The following PRR16 variants were observed in gnomAD, a reference collection of about 807,000 sequenced individuals.
The protein encoded by PRR16 is proline rich 16, also known as protein Largen.
In PRR16, 6 loss-of-function variants were observed where a neutral mutation model predicts 18.2. The ratio of observed to expected loss-of-function variants is 0.33; its 90% CI spans 0.18 to 0.65. PRR16 has a LOEUF of 0.65. Ranked by LOEUF, PRR16 falls within the 30% of genes least tolerant of loss-of-function variation. PRR16 has a pLI of 0.74. For synonymous variants in PRR16, 151 were observed against 147.8 expected, an observed-to-expected ratio of 1.02 and a Z score of -0.16; for missense variants, 412 against 376.6, an observed-to-expected ratio of 1.09 and a Z score of -0.78.
the PRR16 span, among the ~76,000 whole-genome samples, chr5:120,766,108 G>A: frequency 6.6e-6 from 1 of 151,904 alleles, no homozygotes; most frequent in Non-Finnish European, 1.5e-5. Context: ...TATCTATCTA[G>A]GTATTATACA....
At chr5:120,524,332 AC>A (rs1751282504) in intron 1 of PRR16, among the ~76,000 whole-genome samples, 1 of 152,194 alleles carries the variant, frequency 6.6e-6, no homozygotes, top group Admixed American at 6.5e-5. Context: ...AATTGAAATC[AC>A]GCCTTTCTTT....
intron 1 of PRR16, among the ~76,000 whole-genome samples, chr5:120,640,025 T>C (rs1350411090): frequency 2.0e-5 from 3 of 151,978 alleles, no homozygotes; most frequent in Non-Finnish European, 4.4e-5. Flanking sequence ...TTATCTTACA[T>C]GAATTAACAC....
At chr5:120,527,366 T>C (rs1751407160) in intron 1 of PRR16, among the ~76,000 whole-genome samples, 1 of 152,210 alleles carries the variant, frequency 6.6e-6, no homozygotes, top group South Asian at 2.1e-4. Context: ...ATTGCTAATG[T>C]TCATCTGTAA....
intron 1 of PRR16, among the ~76,000 whole-genome samples, chr5:120,585,254 A>G (rs1580753782): frequency 6.6e-6 from 1 of 152,296 alleles, no homozygotes; most frequent in African/African-American, 2.4e-5. Flanking sequence ...CAATTACACA[A>G]TAATGTAAGA....
At chr5:120,751,376 T>C in the PRR16 span, among the ~76,000 whole-genome samples, 2 of 152,270 alleles carry the variant, frequency 1.3e-5, no homozygotes, top group East Asian at 3.9e-4. Flanking sequence ...ACTATAATAA[T>C]TTGCATATTC....
chr5:120,537,769 GTTTTTTT>G (rs71623210), intron 1 of PRR16, among the ~76,000 whole-genome samples: 2 of 115,198 alleles, frequency 1.7e-5, no homozygotes, highest in Admixed American at 1.0e-4. Context: ...AATTTTTAAT[GTTTTTTT>G]TTTTTTTTTT....
At chr5:120,511,377 T>G (rs1221458523) in intron 1 of PRR16, among the ~76,000 whole-genome samples, 1 of 152,210 alleles carries the variant, frequency 6.6e-6, no homozygotes, top group Non-Finnish European at 1.5e-5. Flanking sequence ...TTCCAAACTT[T>G]CATTGCTGAC....
chr5:120,715,019 G>A, the PRR16 span, among the ~76,000 whole-genome samples: 2 of 151,728 alleles, frequency 1.3e-5, no homozygotes, highest in Non-Finnish European at 2.9e-5. Flanking sequence ...GAACTTAGAG[G>A]ACAGGTCAAT....
rs1409431169 is a variant in PRR16, at chr5:120,655,740, T to TG, written c.160-30214_160-30213insG. 9.9e-4 allele frequency among the ~76,000 whole-genome samples: 149 copies of TG among 151,220 alleles called. 1 individual carries two copies. The Middle Eastern group carries it at 0.014, about 14-fold the overall frequency. ...TAGCAATTGACTTTTTTTTTTTGTT[T>TG]TTTTTTTTCTGAATGCAACCCATAT... On this transcript the variant is annotated intron_variant, in intron 1 of 1. Coordinates refer to ENST00000407149, the MANE Select transcript of PRR16 (RefSeq NM_001300783.2).
At chr5:120,741,573 CATT>C in the PRR16 span, among the ~76,000 whole-genome samples, 1 of 152,094 alleles carries the variant, frequency 6.6e-6, no homozygotes, top group Non-Finnish European at 1.5e-5. Flanking sequence ...AATATTTCAT[CATT>C]AAGTATGATA....
chr5:120,607,680 A>G (rs1428745487), intron 1 of PRR16, among the ~76,000 whole-genome samples: 1 of 152,088 alleles, frequency 6.6e-6, no homozygotes, highest in Non-Finnish European at 1.5e-5. Flanking sequence ...CCCAAAGCAT[A>G]CTAAGAAAGA....
downstream of PRR16, among the ~76,000 whole-genome samples, chr5:120,692,107 C>T (rs1199631850): frequency 6.6e-6 from 1 of 152,208 alleles, no homozygotes; most frequent in Non-Finnish European, 1.5e-5. Context: ...TCAGCACCAC[C>T]TAAAAACATC....
At chr5:120,706,589 C>A in the PRR16 span, among the ~76,000 whole-genome samples, 14 of 152,224 alleles carry the variant, frequency 9.2e-5, no homozygotes, top group African/African-American at 3.4e-4. Flanking sequence ...GAGAAGAATT[C>A]TGTGGTTCAA....
chr5:120,713,689 G>A, the PRR16 span, among the ~76,000 whole-genome samples: 37,870 of 151,798 alleles, frequency 0.25, 5,529 homozygotes, highest in East Asian at 0.6. Flanking sequence ...AGGGCCTTTC[G>A]CTCAGTAGTT....
chr5:120,536,902 T>G (rs146879604), intron 1 of PRR16, among the ~76,000 whole-genome samples: 2 of 152,352 alleles, frequency 1.3e-5, no homozygotes, highest in African/African-American at 4.8e-5. Flanking sequence ...GCAGCATGTG[T>G]AGAGCTGGAG....
intron 1 of PRR16, among the ~76,000 whole-genome samples, chr5:120,465,093 G>A (rs969887251): frequency 1.3e-5 from 2 of 152,120 alleles, no homozygotes; most frequent in African/African-American, 4.8e-5. Context: ...AAGAGGGGCC[G>A]GGTTCTGGGC....
intron 1 of PRR16, among the ~76,000 whole-genome samples, chr5:120,634,426 T>C (rs761182858): frequency 6.6e-6 from 1 of 152,036 alleles, no homozygotes; most frequent in African/African-American, 2.4e-5. Context: ...GGGGGATCAA[T>C]TGAGGTGAGG....
intron 1 of PRR16, among the ~76,000 whole-genome samples, chr5:120,543,606 G>A (rs751156145): frequency 2.0e-5 from 3 of 152,020 alleles, no homozygotes; most frequent in South Asian, 2.1e-4. Context: ...ATATGATGTC[G>A]GAAAGAACAG....
chr5:120,594,570 T>A (rs2112779825), intron 1 of PRR16, among the ~76,000 whole-genome samples: 1 of 152,212 alleles, frequency 6.6e-6, no homozygotes, highest in East Asian at 1.9e-4. Context: ...CCTATAAAAC[T>A]ACTGAAGAAA....
Sources: gnomAD v4.1 joint callset for allele counts (sites outside exome capture counted in the v4.1 genomes callset) on GRCh38, gnomAD v4.1.1 for gene constraint, MANE v1.5 for transcripts, NCBI Gene and HGNC (gene_info 2026-07-23, HGNC 2026-07-21) for gene names.